VPS53: variants seen among roughly 807,000 people sequenced by gnomAD.
The protein encoded by VPS53 is VPS53 subunit of GARP complex.
Under a neutral mutation model 107.0 loss-of-function variants are expected in VPS53, and 70 were observed. The ratio of observed to expected loss-of-function variants is 0.65; its 90% CI spans 0.54 to 0.80. The LOEUF is 0.80. Among genes scored for constraint, VPS53 ranks in the 30% least tolerant of loss-of-function variants. The pLI is 0.00. For missense variants in VPS53, 917 were observed against 1,049.4 expected (o/e 0.87, Z 1.74); for synonymous variants, 409 against 393.3 (o/e 1.04, Z -0.47).
intron 14 of VPS53, among the ~76,000 whole-genome samples, chr17:561,994 T>A (rs1346551964): frequency 1.3e-5 from 2 of 152,038 alleles, no homozygotes; most frequent in Non-Finnish European, 2.9e-5. Context: ...TGACCCCCAA[T>A]CCTACCGCAT....
At chr17:549,428 T>C (rs1911603708) in intron 17 of VPS53, among the ~76,000 whole-genome samples, 1 of 151,934 alleles carries the variant, frequency 6.6e-6, no homozygotes, top group African/African-American at 2.4e-5. Context: ...CAAAGGACTC[T>C]GGAGGCACGG....
intron 17 of VPS53, among the ~76,000 whole-genome samples, chr17:547,639 T>C (rs1911334581): frequency 1.3e-5 from 2 of 151,852 alleles, no homozygotes; most frequent in African/African-American, 4.9e-5. Flanking sequence ...AATTGTACAC[T>C]TTATTTATTT....
chr17:681,251 C>T (rs1180471064), intron 4 of VPS53, among the ~76,000 whole-genome samples: 1 of 152,182 alleles, frequency 6.6e-6, no homozygotes, highest in Non-Finnish European at 1.5e-5. Context: ...ATTCTTCTGC[C>T]TCAGCCTCCC....
chr17:652,893 G>A (rs900807072), intron 7 of VPS53, among the ~76,000 whole-genome samples: 2 of 152,210 alleles, frequency 1.3e-5, no homozygotes, highest in Non-Finnish European at 2.9e-5. Context: ...GTGGGGGAAC[G>A]TCTGCACCAG....
chr17:654,891 C>A (rs1239775879), intron 6 of VPS53, among the ~76,000 whole-genome samples: 1 of 152,144 alleles, frequency 6.6e-6, no homozygotes, highest in Non-Finnish European at 1.5e-5. Context: ...CACCGACCAC[C>A]CCACGAAGGA....
intron 1 of VPS53, among the ~76,000 whole-genome samples, chr17:712,049 C>T (rs1247917704): frequency 2.0e-5 from 3 of 151,364 alleles, no homozygotes; most frequent in Non-Finnish European, 4.4e-5. Flanking sequence ...ATCTCCTGAA[C>T]TTGTGATCCA....
intron 7 of VPS53, among the ~76,000 whole-genome samples, chr17:643,668 C>T (rs200530603): frequency 1.9e-3 from 270 of 143,328 alleles, no homozygotes; most frequent in African/African-American, 3.6e-3. Context: ...AACACTCATA[C>T]TTGGAAAGCG....
chr17:688,999 C>T (rs753028302), intron 4 of VPS53, among the ~76,000 whole-genome samples: 14 of 152,180 alleles, frequency 9.2e-5, no homozygotes, highest in African/African-American at 1.9e-4. Context: ...TGGGAAACTT[C>T]GAGGCCATAC....
intron 13 of VPS53, among the ~76,000 whole-genome samples, chr17:575,718 C>A (rs1330109965): frequency 1.3e-5 from 2 of 151,168 alleles, no homozygotes; most frequent in Non-Finnish European, 2.9e-5. Context: ...GAACCTCCCC[C>A]AGAATCTAAT....
intron 7 of VPS53, among the ~76,000 whole-genome samples, chr17:650,573 C>T (rs907890528): frequency 7.2e-5 from 11 of 152,070 alleles, no homozygotes; most frequent in African/African-American, 2.4e-4. Flanking sequence ...CCGTTTTCAA[C>T]CATAAGATAG....
chr17:712,623 A>C (rs373126905), intron 1 of VPS53, among the ~76,000 whole-genome samples: 8 of 152,340 alleles, frequency 5.3e-5, no homozygotes, highest in African/African-American at 1.7e-4. Flanking sequence ...TAAAGTAAGA[A>C]AAAATTCTGA....
At chr17:696,284 T>C (rs1055283082) in intron 4 of VPS53, among the ~76,000 whole-genome samples, 1 of 152,060 alleles carries the variant, frequency 6.6e-6, no homozygotes, top group African/African-American at 2.4e-5. Flanking sequence ...AAACTACAGA[T>C]GTAAAAGAAA....
At chr17:714,444 TCTTTC>T (rs942568019) in intron 1 of VPS53, 174 bp downstream of exon 1, 8 of 612,740 alleles carry the variant, frequency 1.3e-5, no homozygotes, top group East Asian at 2.9e-5. Flanking sequence ...GAAAGGGTTC[TCTTTC>T]CTTTCCTTCT....
At chr17:707,677 C>T (rs750542687) in intron 2 of VPS53, among the ~76,000 whole-genome samples, 4 of 151,776 alleles carry the variant, frequency 2.6e-5, no homozygotes, top group Middle Eastern at 3.4e-3. Context: ...AGTGAGATCT[C>T]GTCTCTACTA....
At chr17:626,313 T>C (rs975640220) in intron 10 of VPS53, among the ~76,000 whole-genome samples, 2 of 152,182 alleles carry the variant, frequency 1.3e-5, no homozygotes, top group African/African-American at 4.8e-5. Context: ...TATCTGTCCT[T>C]GGGCTACACT....
intron 4 of VPS53, among the ~76,000 whole-genome samples, chr17:668,337 A>C (rs1971785408): frequency 6.6e-6 from 1 of 152,154 alleles, no homozygotes; most frequent in African/African-American, 2.4e-5. Context: ...AATATTGCCC[A>C]CTGATTAAAA....
At chr17:535,390 C>T (rs868268614) in intron 18 of VPS53, among the ~76,000 whole-genome samples, 13 of 133,112 alleles carry the variant, frequency 9.8e-5, no homozygotes, top group African/African-American at 2.8e-4. Flanking sequence ...TGGGAGACGC[C>T]GGGACTGGCT....
At chr17:545,433 C>A (rs776594269) in intron 17 of VPS53, among the ~76,000 whole-genome samples, 2 of 152,206 alleles carry the variant, frequency 1.3e-5, no homozygotes, top group African/African-American at 2.4e-5. Flanking sequence ...AGGAGCATCA[C>A]TCCATCCTCA....
intron 5 of VPS53, among the ~76,000 whole-genome samples, chr17:658,803 A>G (rs993343816): frequency 2.7e-5 from 4 of 150,582 alleles, no homozygotes; most frequent in Non-Finnish European, 5.9e-5. Context: ...GAGTTCGTGG[A>G]TAGATACATC....
Sources: gnomAD v4.1 joint callset for allele counts (sites outside exome capture counted in the v4.1 genomes callset) on GRCh38, gnomAD v4.1.1 for gene constraint, MANE v1.5 for transcripts, NCBI Gene and HGNC (gene_info 2026-07-23, HGNC 2026-07-21) for gene names.